Variants in PDE1A observed in about 807,000 individuals in gnomAD.
PDE1A encodes dual specificity calcium/calmodulin-dependent 3',5'-cyclic nucleotide phosphodiesterase 1A.
PDE1A carries 35 observed loss-of-function variants against 61.7 expected under a neutral mutation model. The ratio of observed to expected loss-of-function variants is 0.57; its 90% CI spans 0.43 to 0.75. The LOEUF is 0.75. PDE1A is among the 30% of genes least tolerant of loss of function. The probability of loss-of-function intolerance (pLI) is 0.00; values close to 1 mark genes in which losing one functional copy is unlikely to be tolerated. For synonymous variants in PDE1A, 232 were observed against 213.2 expected, an observed-to-expected ratio of 1.09 and a Z score of -0.77; for missense variants, 597 against 630.6, an observed-to-expected ratio of 0.95 and a Z score of 0.57.
At chr2:182,313,926 TACGTATTGTAGG>T (rs1284585147) in intron 1 of PDE1A, among the ~76,000 whole-genome samples, 1 of 152,170 alleles carries the variant, frequency 6.6e-6, no homozygotes, top group Non-Finnish European at 1.5e-5. Context: ...ACTTGAAACA[TACGTATTGTAGG>T]AATACAAAAT....
the PDE1A span, among the ~76,000 whole-genome samples, chr2:182,541,729 T>C: frequency 1.3e-4 from 20 of 152,226 alleles, no homozygotes; most frequent in African/African-American, 4.6e-4. Flanking sequence ...TCTATATTTG[T>C]TCATATTTAA....
chr2:182,546,865 T>C, the PDE1A span, among the ~76,000 whole-genome samples: 134 of 152,342 alleles, frequency 8.8e-4, no homozygotes, highest in Non-Finnish European at 1.7e-3. Flanking sequence ...GCAGAAGATA[T>C]GGTTAACTTG....
At chr2:182,444,442 C>G (rs1376809922) in intron 2 of PDE1A, among the ~76,000 whole-genome samples, 1 of 152,092 alleles carries the variant, frequency 6.6e-6, no homozygotes, top group Non-Finnish European at 1.5e-5. Context: ...ACTTTCCTGT[C>G]TCATTTTGTA....
At chr2:182,540,166 C>A in the PDE1A span, among the ~76,000 whole-genome samples, 1 of 151,974 alleles carries the variant, frequency 6.6e-6, no homozygotes, top group East Asian at 1.9e-4. Flanking sequence ...GAGTTCGAAC[C>A]CAGCCTGGCC....
At chr2:182,240,028 G>T in intron 3 of PDE1A, 82 bp downstream of exon 3, 3 of 1,202,450 alleles carry the variant, frequency 2.5e-6, no homozygotes, top group Non-Finnish European at 3.5e-6. Flanking sequence ...GTGAAATATA[G>T]ACTGCTCATA....
chr2:182,486,800 T>C (rs1688052307), intron 2 of PDE1A, among the ~76,000 whole-genome samples: 1 of 152,114 alleles, frequency 6.6e-6, no homozygotes, highest in African/African-American at 2.4e-5. Flanking sequence ...ATTATAGACC[T>C]AGATGTAAGA....
At chr2:182,274,467 G>A (rs1693259475) in intron 1 of PDE1A, among the ~76,000 whole-genome samples, 1 of 152,024 alleles carries the variant, frequency 6.6e-6, no homozygotes, top group African/African-American at 2.4e-5. Flanking sequence ...CTATTGGAGA[G>A]CATAGAAGTC....
rs142169799 is a variant in PDE1A, at chr2:182,245,762, C to T, written c.168-5470G>A. 8.5e-3 allele frequency among the ~76,000 whole-genome samples: 1,299 copies of T among 152,264 alleles called. 15 individuals carry two copies. Among genetic ancestry groups the T allele is most frequent in the South Asian group, 0.05 (242 of 4,832 alleles). On this transcript the variant is annotated intron_variant, in intron 2 of 13. Coordinates refer to ENST00000351439, the Ensembl canonical transcript of PDE1A. ...TATGCATTCTACTATTGAAGGACAT[C>T]TTGATTGCTCCAAGGTTTGACAATT...
At chr2:182,404,051 T>A (rs1235780814) in intron 1 of PDE1A, among the ~76,000 whole-genome samples, 4 of 152,176 alleles carry the variant, frequency 2.6e-5, no homozygotes, top group African/African-American at 4.8e-5. Flanking sequence ...AACAAATTTT[T>A]TTTTTAAAAA....
chr2:182,505,458 A>C (rs1689346075), intron 2 of PDE1A, among the ~76,000 whole-genome samples: 1 of 152,206 alleles, frequency 6.6e-6, no homozygotes, highest in African/African-American at 2.4e-5. Context: ...AGGAACAGCT[A>C]TCATTCGTAG....
At chr2:182,167,511 C>T (rs1197713097), downstream of PDE1A, among the ~76,000 whole-genome samples, 1 of 152,134 alleles carries the variant, frequency 6.6e-6, no homozygotes, top group East Asian at 1.9e-4. Context: ...CTTGACTCTG[C>T]TCATAAATAT....
chr2:182,635,419 AC>A, the PDE1A span, among the ~76,000 whole-genome samples: 51 of 152,122 alleles, frequency 3.4e-4, no homozygotes, highest in Middle Eastern at 3.4e-3. Flanking sequence ...AGTTTCCTGG[AC>A]CTTTTTTGTT....
At chr2:182,534,456 G>A in the PDE1A span, among the ~76,000 whole-genome samples, 135 of 151,698 alleles carry the variant, frequency 8.9e-4, 1 homozygote, top group East Asian at 0.019. Context: ...GAACATTCAC[G>A]TTTCAGAGGA....
At chr2:182,437,690 C>A (rs1425500562) in intron 2 of PDE1A, among the ~76,000 whole-genome samples, 1 of 151,922 alleles carries the variant, frequency 6.6e-6, no homozygotes, top group Non-Finnish European at 1.5e-5. Flanking sequence ...CTGCTTTTCA[C>A]CAGAGTCCAC....
upstream of PDE1A, among the ~76,000 whole-genome samples, chr2:182,430,918 G>A (rs1201469069): frequency 8.1e-6 from 1 of 123,602 alleles, no homozygotes; most frequent in African/African-American, 3.0e-5. Flanking sequence ...GAGATCACAT[G>A]GACACAGGAA....
At chr2:182,600,962 G>A in the PDE1A span, among the ~76,000 whole-genome samples, 1 of 152,222 alleles carries the variant, frequency 6.6e-6, no homozygotes, top group African/African-American at 2.4e-5. Context: ...CTGCTATCAT[G>A]TTAAAAGCCA....
Position 182,445,597 on chromosome 2 carries a change from A to G in PDE1A, c.101+76679T>C, listed in dbSNP as rs139215418. Among the ~76,000 whole-genome samples, 442 of 152,272 alleles carry G rather than the reference A, an allele frequency of 2.9e-3. 2 individuals carry two copies. The highest frequency in any genetic ancestry group is 0.01 in the African/African-American group (423 of 41,578). ...CTTCAACGTGAAAGCTATACAAAAG[A>G]GGAAAATACATAACACAGGACTATA... On this transcript the variant is annotated intron_variant, in intron 2 of 14. Coordinates refer to the PDE1A transcript ENST00000410103.
intron 2 of PDE1A, among the ~76,000 whole-genome samples, chr2:182,452,824 C>T (rs1192438037): frequency 6.6e-6 from 1 of 152,058 alleles, no homozygotes; most frequent in Non-Finnish European, 1.5e-5. Flanking sequence ...AACACCATGG[C>T]AAAACCAGAA....
downstream of PDE1A, chr2:182,146,930 A>T (rs1453099058): frequency 1.2e-4 from 55 of 447,402 alleles, 1 homozygote; most frequent in East Asian, 1.4e-3. Flanking sequence ...GATAGAGATT[A>T]AAAAAACTCT....
Sources: allele counts gnomAD v4.1 joint callset (sites outside exome capture counted in the v4.1 genomes callset), GRCh38; gene constraint gnomAD v4.1.1; transcripts MANE v1.5; gene names NCBI Gene and HGNC (gene_info 2026-07-23, HGNC 2026-07-21).